Variants in FSIP2 observed in about 807,000 individuals in gnomAD.
FSIP2 encodes the protein fibrous sheath-interacting protein 2.
In FSIP2, 367 loss-of-function variants were observed where a neutral mutation model predicts 510.5. That is an observed-to-expected ratio of 0.72 (90% CI 0.66 to 0.78). The LOEUF is 0.78. FSIP2 is among the 30% of genes least tolerant of loss of function. FSIP2 has a pLI of 0.00. For missense variants in FSIP2, 7,594 were observed against 7,901.7 expected (o/e 0.96, Z 1.48); for synonymous variants, 2,601 against 2,732.2 (o/e 0.95, Z 1.50).
In FSIP2 at chr2:185,807,544, A is replaced by G. The variant is rs934157170; in HGVS notation, c.18238A>G (p.Ile6080Val). Residue 6080 changes from isoleucine to valine, a missense_variant, in exon 17 of 23, where the codon ATT (isoleucine) becomes GTT (valine). Physicochemically the swap from Ile to Val is conservative, Grantham distance 29. Transcript: ENST00000424728. ...AACCTTACAATCTGATGATGATGAA[A>G]TTATTCAATTAGTGGTTCAGTCTGT... The part of the protein sequence containing the change: ...VETLQSDDDE[I>V]IQLVVQSVYN... 5.0e-6 allele frequency: 8 copies of G among 1,611,344 alleles called. No individual in the cohort carries two copies. In the South Asian group the frequency reaches 8.8e-5, roughly 18 times the overall value.
At chr2:185,780,136 G>C (rs747286718) in intron 13 of FSIP2, among the ~76,000 whole-genome samples, 1 of 151,272 alleles carries the variant, frequency 6.6e-6, no homozygotes, top group Non-Finnish European at 1.5e-5. Context: ...AATTATTCCT[G>C]TGTAAGTGAT....
At chr2:185,814,082 G>T (rs759324035) in intron 18 of FSIP2, 40 bp downstream of exon 18, 2 of 1,557,032 alleles carry the variant, frequency 1.3e-6, no homozygotes, top group South Asian at 2.5e-5. Context: ...AGAAAGGGGA[G>T]ACATCTTCAC....
In FSIP2 at chr2:185,756,366, G is replaced by T. The variant is rs142223453; in HGVS notation, c.1078+88G>T. 3.8e-5 allele frequency: 17 copies of T among 452,632 alleles called. No individual in the cohort carries two copies. In the East Asian group the frequency reaches 3.9e-4, roughly 10 times the overall value. The allele number at this position is 452,632 out of a possible 1,614,324, so 28.0% of individuals were successfully genotyped here. A position where few individuals can be genotyped will look rare whatever the true frequency, so the allele number is the denominator to read the frequency against. On this transcript the variant is annotated intron_variant, in intron 9 of 22. Transcript: ENST00000424728. ...TTGTAACAACTTTTTTCACTTAAGT[G>T]CAGACAAATCCTGTTTTCTTTTTAT...
intron 4 of FSIP2, chr2:185,744,819 T>G (rs1345052337): frequency 2.0e-5 from 3 of 152,700 alleles, no homozygotes; most frequent in African/African-American, 7.2e-5. Flanking sequence ...ATATGTACAC[T>G]CTGTGTTTGT....
rs1157183352 is a variant in FSIP2, at chr2:185,803,795, T to C, written c.14489T>C (p.Ile4830Thr). The C allele has an allele frequency of 6.6e-7, 1 of 1,516,858 alleles. No individual in the cohort carries two copies. Among genetic ancestry groups the C allele is most frequent in the South Asian group, 1.2e-5 (1 of 81,494 alleles). 94.0% of individuals were successfully genotyped at this position (1,516,858 alleles called of 1,614,324 possible). Residue 4830 changes from isoleucine (I) to threonine (T), a missense_variant, in exon 17 of 23, where the codon ATA becomes ACA. Physicochemically the swap from Ile to Thr is moderately conservative, Grantham distance 89 (BLOSUM62 -1). Transcript: ENST00000424728. ...SDLSNTVIKLINEIMSIISKH... is the reference protein window; with the variant it reads ...SDLSNTVIKLTNEIMSIISKH... The stretch of plus-strand genomic sequence containing the variant: ...TTAAGTAATACAGTGATAAAACTGA[T>C]AAATGAAATTATGTCAATAATTTCA...
chr2:185,803,860 C>G lies in FSIP2; in HGVS notation c.14554C>G (p.Gln4852Glu). ...ICIIKYGNKK[Q>E]SMISAKDIQS... ...TATTATTAAATATGGGAATAAAAAA[C>G]AGAGTATGATTTCAGCAAAAGATAT... The change falls in exon 17 of 23, where the codon CAG becomes GAG. Residue 4852 changes from glutamine (Q) to glutamate (E), a missense_variant. Physicochemically the swap from Gln to Glu is conservative, Grantham distance 29. Transcript: ENST00000424728. 1 of 1,514,388 alleles carries G rather than the reference C, an allele frequency of 6.6e-7. No individual in the cohort carries two copies. The highest frequency in any genetic ancestry group is 8.8e-7 in the Non-Finnish European group (1 of 1,135,412). The allele number at this position is 1,514,388 out of a possible 1,614,324, so 93.8% of individuals were successfully genotyped here.
intron 13 of FSIP2, among the ~76,000 whole-genome samples, chr2:185,777,203 G>A (rs189029704): frequency 2.9e-4 from 44 of 152,292 alleles, no homozygotes; most frequent in African/African-American, 1.0e-3. Context: ...ACAGAGTGCT[G>A]TAAAGTACAG....
At chr2:185,830,802 T>C (rs1245094932) in intron 21 of FSIP2, among the ~76,000 whole-genome samples, 1 of 151,780 alleles carries the variant, frequency 6.6e-6, no homozygotes. Context: ...AGATGAAGGA[T>C]TCTCAGTCCT....
At chr2:185,799,229 T>G (rs536260019) in intron 16 of FSIP2, among the ~76,000 whole-genome samples, 1 of 151,902 alleles carries the variant, frequency 6.6e-6, no homozygotes, top group South Asian at 2.1e-4. Context: ...TGCCACACTT[T>G]TATTTTAGTC....
Position 185,797,015 on chromosome 2 carries a change from A to T in FSIP2, c.9879A>T (p.Glu3293Asp). 1 of 1,535,228 alleles carries T rather than the reference A, an allele frequency of 6.5e-7. No individual in the cohort carries two copies. Among genetic ancestry groups the T allele is most frequent in the South Asian group, 1.2e-5 (1 of 84,036 alleles). The change falls in exon 16 of 23, where the codon GAA (glutamate) becomes GAT (aspartate). Residue 3293 changes from glutamate (E) to aspartate (D), a missense_variant. Coordinates refer to ENST00000424728, the MANE Select transcript of FSIP2 (RefSeq NM_173651.4). ...TAAAGCAAGTCTTGTCATTCATAGAAATGGGAAAAGGTGAAAATCTAAGAG... is the reference window on the plus strand; with the variant it reads ...TAAAGCAAGTCTTGTCATTCATAGATATGGGAAAAGGTGAAAATCTAAGAG... ...AALKQVLSFI[E>D]MGKGENLRVF...
At chr2:185,797,571 G>A in intron 16 of FSIP2, 45 bp downstream of exon 16, 1 of 1,462,446 alleles carries the variant, frequency 6.8e-7, no homozygotes, top group Non-Finnish European at 9.0e-7. Context: ...GATTTAGGAA[G>A]AAAACCAGTA....
At chr2:185,752,064 A>G (rs1692159201) in intron 7 of FSIP2, among the ~76,000 whole-genome samples, 1 of 146,796 alleles carries the variant, frequency 6.8e-6, no homozygotes, top group South Asian at 2.1e-4. Flanking sequence ...TTCATCTGCT[A>G]TCATTTTTTT....
chr2:185,797,715 T>C lies in FSIP2; in HGVS notation c.10390+189T>C, dbSNP rs1362536426. The C allele has an allele frequency of 1.1e-5, 7 of 619,264 alleles. No individual in the cohort carries two copies. The African/African-American group carries it at 1.3e-4, about 11-fold the overall frequency. The allele number at this position is 619,264 out of a possible 1,614,324, so 38.4% of individuals were successfully genotyped here. ...TGTATTATTTTATTTTATTTAGAAA[T>C]AGTGTCTCTGTCACTGAGGCTAGAG... is the stretch of plus-strand genomic sequence containing the variant. On this transcript the variant is annotated intron_variant, in intron 16 of 22. Transcript: ENST00000424728.
Position 185,794,420 on chromosome 2 carries a change from AT to A in FSIP2, c.7286del (p.Leu2429CysfsTer21). ...FSQLALSNEI[L>X]LGHKEKERST... ...CACAATTAGCTTTATCAAATGAAAT[AT>A]TGCTGGGTCACAAAGAGAAGGAAAG... On this transcript the variant is annotated frameshift_variant, in exon 16 of 23. Transcript: ENST00000424728. LOFTEE classifies it high-confidence loss of function. 6.6e-7 allele frequency: 1 copy of A among 1,516,316 alleles called. No individual in the cohort carries two copies. Among genetic ancestry groups the A allele is most frequent in the Non-Finnish European group, 8.8e-7 (1 of 1,139,678 alleles). The allele number at this position is 1,516,316 out of a possible 1,614,324, so 93.9% of individuals were successfully genotyped here. A position where few individuals can be genotyped will look rare whatever the true frequency, so the allele number is the denominator to read the frequency against.
At position 185,792,247 on chromosome 2, in the gene FSIP2, G is replaced by C. The variant is rs1421121144; in HGVS notation, c.5111G>C (p.Gly1704Ala). Residue 1704 changes from glycine to alanine, a missense_variant, in exon 16 of 23, where the codon GGC (glycine) becomes GCC (alanine). By Grantham distance (60) the Gly-to-Ala change is moderately conservative. Coordinates refer to ENST00000424728, the MANE Select transcript of FSIP2 (RefSeq NM_173651.4). ...MFNEMESEGG[G>A]IETYRYRPTY... Reference sequence around the variant, plus strand: ...AATGAAATGGAATCTGAAGGGGGAGGCATTGAAACTTATCGATACAGGCCA... The same window carrying C: ...AATGAAATGGAATCTGAAGGGGGAGCCATTGAAACTTATCGATACAGGCCA... 4.6e-6 allele frequency: 7 copies of C among 1,533,066 alleles called. No homozygotes were observed. The highest frequency in any genetic ancestry group is 2.4e-5 in the South Asian group (2 of 83,806). The allele number at this position is 1,533,066 out of a possible 1,614,324, so 95.0% of individuals were successfully genotyped here. A position where few individuals can be genotyped will look rare whatever the true frequency, so the allele number is the denominator to read the frequency against.
At position 185,807,567 on chromosome 2, in the gene FSIP2, T is replaced by C. The variant is rs776670301; in HGVS notation, c.18261T>C (p.Ser6087=). 1.2e-6 allele frequency: 2 copies of C among 1,612,140 alleles called. No homozygotes were observed. Among genetic ancestry groups the C allele is most frequent in the Non-Finnish European group, 1.7e-6 (2 of 1,178,982 alleles). Residue 6087 remains serine (S), a synonymous_variant, in exon 17 of 23, where the codon TCT becomes TCC. Transcript: ENST00000424728. ...AAATTATTCAATTAGTGGTTCAGTC[T>C]GTTTATAATAATCTCTTGCCACAGT... ...DDEIIQLVVQ[S]VYNNLLPQFG...
chr2:185,815,584 C>G (rs1245423949), intron 19 of FSIP2, 113 bp downstream of exon 19: 2 of 509,468 alleles, frequency 3.9e-6, no homozygotes, highest in Non-Finnish European at 7.0e-6. Context: ...TCAGACCTTC[C>G]CCAACTTCTT....
intron 13 of FSIP2, among the ~76,000 whole-genome samples, chr2:185,777,348 G>A (rs959568559): frequency 4.0e-5 from 6 of 148,238 alleles, no homozygotes; most frequent in South Asian, 2.1e-4. Context: ...TATCTTCTGC[G>A]AATAATAAAA....
rs1398705759 is a variant in FSIP2 at position 185,803,553 on chromosome 2, A to C, written c.14247A>C (p.Ala4749=). 1 of 1,533,134 alleles carries C rather than the reference A, an allele frequency of 6.5e-7. No individual in the cohort carries two copies. Among genetic ancestry groups the C allele is most frequent in the Admixed American group, 2.0e-5 (1 of 50,804 alleles). 95.0% of individuals were successfully genotyped at this position (1,533,134 alleles called of 1,614,324 possible). A position where few individuals can be genotyped will look rare whatever the true frequency, so the allele number is the denominator to read the frequency against. The change falls in exon 17 of 23, where the codon GCA becomes GCC. Residue 4749 remains alanine, a synonymous_variant. Transcript: ENST00000424728. The part of the protein sequence containing the change: ...FDFQIHPDLI[A]NLPFKSHSKL... ...TCCAAATTCATCCAGATCTTATAGC[A>C]AATCTGCCTTTTAAATCACATTCCA...
Sources: allele counts gnomAD v4.1 joint callset (sites outside exome capture counted in the v4.1 genomes callset), GRCh38; gene constraint gnomAD v4.1.1; transcripts MANE v1.5; gene names NCBI Gene and HGNC (gene_info 2026-07-23, HGNC 2026-07-21).